BICDL1: variants seen among roughly 807,000 people sequenced by gnomAD.
The protein encoded by BICDL1 is BICD family like cargo adaptor 1.
In BICDL1, 20 loss-of-function variants were observed where a neutral mutation model predicts 76.8. The observed-to-expected ratio is 0.26, with a 90% CI of 0.18 to 0.38. The LOEUF (loss-of-function observed/expected upper bound fraction) is 0.38. Ranked by LOEUF, BICDL1 falls within the 10% of genes least tolerant of loss-of-function variation. The pLI is 1.00. For missense variants in BICDL1, 700 were observed against 798.6 expected (o/e 0.88, Z 1.49); for synonymous variants, 383 against 337.1 (o/e 1.14, Z -1.49).
At chr12:120,046,625 C>T (rs560759292) in intron 2 of BICDL1, among the ~76,000 whole-genome samples, 1 of 152,294 alleles carries the variant, frequency 6.6e-6, no homozygotes, top group East Asian at 1.9e-4. Flanking sequence ...TATTTTTAGA[C>T]CTTGAGTTTT....
Position 120,071,228 on chromosome 12 carries a change from C to T in BICDL1, c.910-394C>T, listed in dbSNP as rs1302980641. Among the ~76,000 whole-genome samples the T allele has an allele frequency of 6.6e-6, 1 of 151,744 alleles. No individual in the cohort carries two copies. Among genetic ancestry groups the T allele is most frequent in the Non-Finnish European group, 1.5e-5 (1 of 67,952 alleles). ...CGTGATCTTAGCTCATTGCAACGTC[C>T]GCCTCCTGGGTTCAAGCGATTCTCC... On this transcript the variant is annotated intron_variant, in intron 4 of 9. Transcript: ENST00000548673. The surrounding 1 kb of genome is among the most constrained non-coding windows in gnomAD (Gnocchi z 4.8).
At position 120,094,055 on chromosome 12, in the gene BICDL1, G is replaced by C. The variant is rs963602611; in HGVS notation, c.*894G>C. The stretch of plus-strand genomic sequence containing the variant: ...ATGGCACCAGAGGGGTCTGTGGTCA[G>C]CCACCCCACCTTGAGGGCAGCACAG... On this transcript the variant is annotated 3_prime_UTR_variant, in exon 10 of 10. Transcript: ENST00000548673. 2.6e-6 allele frequency: 1 copy of C among 385,434 alleles called. No homozygotes were observed. The highest frequency in any genetic ancestry group is 5.1e-6 in the Non-Finnish European group (1 of 194,754). 23.9% of individuals were successfully genotyped at this position (385,434 alleles called of 1,614,324 possible). A position where few individuals can be genotyped will look rare whatever the true frequency, so the allele number is the denominator to read the frequency against.
chr12:119,997,182 G>A (rs1010334159), intron 1 of BICDL1, among the ~76,000 whole-genome samples: 11 of 152,114 alleles, frequency 7.2e-5, no homozygotes, highest in South Asian at 2.1e-4. Flanking sequence ...TCCTGACCTC[G>A]TGATCTGCCC....
At chr12:120,005,858 C>A (rs986371081) in intron 2 of BICDL1, among the ~76,000 whole-genome samples, 1 of 152,256 alleles carries the variant, frequency 6.6e-6, no homozygotes, top group South Asian at 2.1e-4. Context: ...TTTAGTGTTA[C>A]AAATACTGCT....
intron 2 of BICDL1, among the ~76,000 whole-genome samples, chr12:120,006,857 A>G (rs1951860221): frequency 1.3e-5 from 2 of 152,174 alleles, no homozygotes; most frequent in South Asian, 2.1e-4. Context: ...GGGGAGCATC[A>G]TGACCTGATT....
chr12:120,087,335 G>A (rs1481369600), intron 8 of BICDL1, among the ~76,000 whole-genome samples: 1 of 152,278 alleles, frequency 6.6e-6, no homozygotes, highest in Non-Finnish European at 1.5e-5. Flanking sequence ...AGGGAAGGCA[G>A]GCGGGCCGGC....
intron 2 of BICDL1, among the ~76,000 whole-genome samples, chr12:120,024,387 C>T (rs1400151471): frequency 6.6e-6 from 1 of 152,072 alleles, no homozygotes; most frequent in Non-Finnish European, 1.5e-5. Context: ...GCAGATTAGA[C>T]ATTACAAGAG....
At chr12:120,063,525 C>T (rs904373873) in intron 3 of BICDL1, among the ~76,000 whole-genome samples, 1 of 130,336 alleles carries the variant, frequency 7.7e-6, no homozygotes, top group African/African-American at 3.7e-5. Context: ...AAGTGTATCT[C>T]GTAGGACTGA....
intron 1 of BICDL1, among the ~76,000 whole-genome samples, chr12:119,996,668 A>T (rs1436708590): frequency 7.4e-6 from 1 of 135,408 alleles, no homozygotes; most frequent in South Asian, 2.3e-4. Flanking sequence ...CCCAGTATAT[A>T]TACATATACA....
chr12:120,029,296 G>A (rs946464491), intron 2 of BICDL1, among the ~76,000 whole-genome samples: 4 of 152,158 alleles, frequency 2.6e-5, no homozygotes, highest in African/African-American at 9.7e-5. Context: ...TTTACCTAAA[G>A]GTTAGCACCA....
rs559241623 is a variant in BICDL1 at position 120,091,876 on chromosome 12, G to A, written c.1705-1124G>A. 6.0e-5 allele frequency: 59 copies of A among 985,348 alleles called. No homozygotes were observed. The African/African-American group carries it at 9.8e-4, about 16-fold the overall frequency. The allele number at this position is 985,348 out of a possible 1,614,324, so 61.0% of individuals were successfully genotyped here. A position where few individuals can be genotyped will look rare whatever the true frequency, so the allele number is the denominator to read the frequency against. On this transcript the variant is annotated intron_variant, in intron 9 of 9. Transcript: ENST00000548673. ...GCCCTCATCTCGTCAGTGGCTGCTCGGAACCAAAGAGGTCATCTGCCCTGG... is the reference window on the plus strand; with the variant it reads ...GCCCTCATCTCGTCAGTGGCTGCTCAGAACCAAAGAGGTCATCTGCCCTGG...
At chr12:119,999,355 T>A (rs1426967956) in intron 2 of BICDL1, among the ~76,000 whole-genome samples, 1 of 152,102 alleles carries the variant, frequency 6.6e-6, no homozygotes, top group East Asian at 1.9e-4. Context: ...CTGTGATTAC[T>A]TTACCTATGA....
chr12:119,990,853 A>G (rs942464539), intron 1 of BICDL1, among the ~76,000 whole-genome samples: 1 of 152,252 alleles, frequency 6.6e-6, no homozygotes, highest in African/African-American at 2.4e-5. Flanking sequence ...CAGGCGAGCC[A>G]GGGCTCAACA....
chr12:120,007,946 C>T (rs1237506361), intron 2 of BICDL1, among the ~76,000 whole-genome samples: 1 of 152,082 alleles, frequency 6.6e-6, no homozygotes, highest in Non-Finnish European at 1.5e-5. Flanking sequence ...GAGGTGGGGG[C>T]TGTATTATTT....
Position 120,019,479 on chromosome 12 carries a change from A to G in BICDL1, c.645+20743A>G, listed in dbSNP as rs1243931272. 2.0e-5 allele frequency among the ~76,000 whole-genome samples: 3 copies of G among 152,230 alleles called. No individual in the cohort carries two copies. In the East Asian group the frequency reaches 5.8e-4, roughly 29 times the overall value. ...TAGTGCCCTGTGTGCAGAAGGTTATAAAGTTTGATGATTCAGAAAATAGAA... is the reference window on the plus strand; with the variant it reads ...TAGTGCCCTGTGTGCAGAAGGTTATGAAGTTTGATGATTCAGAAAATAGAA... On this transcript the variant is annotated intron_variant, in intron 2 of 9. Coordinates refer to ENST00000548673, the MANE Select transcript of BICDL1 (RefSeq NM_001367886.1).
intron 2 of BICDL1, among the ~76,000 whole-genome samples, chr12:120,039,803 G>T (rs191211438): frequency 6.6e-6 from 1 of 152,112 alleles, no homozygotes; most frequent in Non-Finnish European, 1.5e-5. Context: ...CACTTTCAGG[G>T]AGTGTCACCA....
At position 119,989,319 on chromosome 12, in the gene BICDL1, C is replaced by CGCT. The variant is rs1951462478; in HGVS notation, c.-542_-540dup. Reference sequence around the variant, plus strand: ...CAGCAGCAGCAGCCGCCGTCGCCGCCGCTGCTGCTGGGGCTGCCGCGGAGC... The same window carrying CGCT: ...CAGCAGCAGCAGCCGCCGTCGCCGCCGCTGCTGCTGCTGGGGCTGCCGCGGAGC... On this transcript the variant is annotated 5_prime_UTR_variant, in exon 1 of 10. Transcript: ENST00000548673. Among the ~76,000 whole-genome samples the CGCT allele has an allele frequency of 1.3e-5, 2 of 150,662 alleles. No homozygotes were observed. The highest frequency in any genetic ancestry group is 2.4e-5 in the African/African-American group (1 of 41,248).
Position 119,989,899 on chromosome 12 carries a change from C to G in BICDL1, c.31C>G (p.Arg11Gly). The stretch of plus-strand genomic sequence containing the variant: ...CGCTTTCTGCCTGGGCTTGGTCGGC[C>G]GCGCTTCAGCACCCGCCGAGCCGGA... The part of the protein sequence containing the change: MSAFCLGLVG[R>G]ASAPAEPDSA... Residue 11 changes from arginine (R) to glycine (G), a missense_variant, in exon 1 of 10, where the codon CGC (arginine) becomes GGC (glycine). Arg to Gly is a moderately radical substitution (Grantham distance 125, BLOSUM62 -2). Coordinates refer to ENST00000548673, the MANE Select transcript of BICDL1 (RefSeq NM_001367886.1). 1.4e-6 allele frequency: 2 copies of G among 1,443,202 alleles called. No homozygotes were observed. Among genetic ancestry groups the G allele is most frequent in the Non-Finnish European group, 1.8e-6 (2 of 1,109,994 alleles). 89.4% of individuals were successfully genotyped at this position (1,443,202 alleles called of 1,614,324 possible).
intron 2 of BICDL1, chr12:119,999,939 G>A (rs963261418): frequency 3.7e-6 from 1 of 269,110 alleles, no homozygotes; most frequent in African/African-American, 2.3e-5. Context: ...TTGGTCTTAG[G>A]GAAAAGTGTA....
Sources: gnomAD v4.1 joint callset for allele counts (sites outside exome capture counted in the v4.1 genomes callset) on GRCh38, gnomAD v4.1.1 for gene constraint, Gnocchi (gnomAD v3.1) non-coding constraint, MANE v1.5 for transcripts, NCBI Gene and HGNC (gene_info 2026-07-23, HGNC 2026-07-21) for gene names.